Variants in FAM178B observed in about 807,000 individuals in gnomAD.
FAM178B encodes family with sequence similarity 178 member B, also known as protein FAM178B.
FAM178B carries 82 observed loss-of-function variants against 91.7 expected under a neutral mutation model. The ratio of observed to expected loss-of-function variants is 0.89; its 90% CI spans 0.75 to 1.07. FAM178B has a LOEUF of 1.07. FAM178B is among the 50% of genes least tolerant of loss of function. The probability of loss-of-function intolerance (pLI) is 0.00; values close to 1 mark genes in which losing one functional copy is unlikely to be tolerated. For synonymous variants in FAM178B, 368 were observed against 359.4 expected (o/e 1.02, Z -0.27); for missense variants, 769 against 846.7 (o/e 0.91, Z 1.14).
At chr2:96,976,554 T>C (rs1332954144) in intron 1 of FAM178B, among the ~76,000 whole-genome samples, 1 of 151,124 alleles carries the variant, frequency 6.6e-6, no homozygotes, top group African/African-American at 2.4e-5. Context: ...AGTCAAAAAG[T>C]GAAAACAGGG....
chr2:96,911,186 CAG>C (rs754201410), intron 12 of FAM178B, among the ~76,000 whole-genome samples: 16 of 152,166 alleles, frequency 1.1e-4, no homozygotes, highest in Non-Finnish European at 1.5e-4. Flanking sequence ...TCTGTGGACT[CAG>C]GGAGTACGGC....
At chr2:96,937,668 G>A (rs905982538) in intron 8 of FAM178B, among the ~76,000 whole-genome samples, 1 of 152,186 alleles carries the variant, frequency 6.6e-6, no homozygotes, top group Non-Finnish European at 1.5e-5. Context: ...AAATTGCCAG[G>A]GCCGGAGGCT....
At chr2:96,897,708 C>T (rs1335004114) in intron 13 of FAM178B, among the ~76,000 whole-genome samples, 1 of 152,246 alleles carries the variant, frequency 6.6e-6, no homozygotes, top group African/African-American at 2.4e-5. Context: ...ACTGTCATCT[C>T]TTGCCAGGAT....
chr2:96,901,465 C>T (rs972198134), intron 13 of FAM178B, among the ~76,000 whole-genome samples: 4 of 152,128 alleles, frequency 2.6e-5, no homozygotes, highest in African/African-American at 4.8e-5. Flanking sequence ...TGAGCCACCA[C>T]GCCCGGCTCA....
intron 12 of FAM178B, among the ~76,000 whole-genome samples, chr2:96,904,736 G>A (rs1380084435): frequency 6.6e-6 from 1 of 151,894 alleles, no homozygotes; most frequent in Non-Finnish European, 1.5e-5. Flanking sequence ...GGGCATGCCA[G>A]CTACAGTACT....
intron 8 of FAM178B, among the ~76,000 whole-genome samples, chr2:96,943,474 T>C (rs771740678): frequency 6.6e-5 from 10 of 152,230 alleles, no homozygotes; most frequent in Non-Finnish European, 7.3e-5. Context: ...ATTTTATGGA[T>C]ATAGCACATT....
intron 14 of FAM178B, among the ~76,000 whole-genome samples, chr2:96,882,014 C>T (rs1053068911): frequency 6.6e-6 from 1 of 152,154 alleles, no homozygotes; most frequent in African/African-American, 2.4e-5. Context: ...TCTCTGGGAG[C>T]TTGGCTGAAG....
At chr2:96,924,154 G>A (rs936642069) in intron 9 of FAM178B, among the ~76,000 whole-genome samples, 2 of 152,218 alleles carry the variant, frequency 1.3e-5, no homozygotes, top group Non-Finnish European at 2.9e-5. Flanking sequence ...CTACCGTTCA[G>A]GTGAGGCCTC....
intron 9 of FAM178B, among the ~76,000 whole-genome samples, chr2:96,926,239 T>A (rs913886683): frequency 6.6e-6 from 1 of 151,924 alleles, no homozygotes; most frequent in African/African-American, 2.4e-5. Flanking sequence ...GAGGCGGAGG[T>A]TGCAGTGAGC....
chr2:96,889,216 C>G (rs2080604918), intron 14 of FAM178B, among the ~76,000 whole-genome samples: 1 of 152,210 alleles, frequency 6.6e-6, no homozygotes, highest in Non-Finnish European at 1.5e-5. Context: ...GGGACCATCC[C>G]CCTTTGTGGT....
intron 8 of FAM178B, among the ~76,000 whole-genome samples, chr2:96,933,833 G>C (rs1287569977): frequency 6.6e-6 from 1 of 152,194 alleles, no homozygotes; most frequent in African/African-American, 2.4e-5. Context: ...AGGGCCAGGA[G>C]GCTGGTTCCT....
chr2:96,933,891 T>G lies in FAM178B; in HGVS notation c.1079-4571A>C, dbSNP rs377295232. Among the ~76,000 whole-genome samples, 67 of 152,250 alleles carry G rather than the reference T, an allele frequency of 4.4e-4. 4 individuals carry two copies. In the South Asian group the frequency reaches 0.013, roughly 30 times the overall value. The stretch of plus-strand genomic sequence containing the variant: ...CCACTGAGTCCGATCTTAACTGGAG[T>G]GCGGGGCTCACAATGTTTACGGGAG... On this transcript the variant is annotated intron_variant, in intron 8 of 16. Transcript: ENST00000490605.
intron 8 of FAM178B, 73 bp downstream of exon 8, chr2:96,947,744 TG>T: frequency 1.2e-6 from 1 of 850,902 alleles, no homozygotes; most frequent in Non-Finnish European, 1.9e-6. Context: ...AGCTGGGCTC[TG>T]GGCACTGAGA....
At position 96,921,278 on chromosome 2, in the gene FAM178B, AC is replaced by A. The variant is rs2081333952; in HGVS notation, c.1465-17del. ...GTTCCTGGAGCTGCAGGAGAACGGC[AC>A]CCCATGGGCTACAGGAGGACACCGC... On this transcript the variant is annotated splice_polypyrimidine_tract_variant and intron_variant, in intron 11 of 16. Transcript: ENST00000490605. The A allele has an allele frequency of 4.5e-6, 7 of 1,550,326 alleles. 1 individual carries two copies. Among genetic ancestry groups the A allele is most frequent in the Non-Finnish European group, 4.4e-6 (5 of 1,146,012 alleles).
At chr2:96,916,452 G>A (rs928930278) in intron 12 of FAM178B, among the ~76,000 whole-genome samples, 5 of 152,216 alleles carry the variant, frequency 3.3e-5, no homozygotes, top group South Asian at 2.1e-4. Context: ...TTGAAGCAGC[G>A]CACACAGGAT....
At chr2:96,983,637 C>G (rs1220325594) in intron 1 of FAM178B, among the ~76,000 whole-genome samples, 1 of 152,160 alleles carries the variant, frequency 6.6e-6, no homozygotes, top group Non-Finnish European at 1.5e-5. Context: ...GTTGCCCAGG[C>G]TGGTCTCAAA....
chr2:96,913,481 G>A (rs1182969152), intron 12 of FAM178B, among the ~76,000 whole-genome samples: 1 of 152,132 alleles, frequency 6.6e-6, no homozygotes, highest in Non-Finnish European at 1.5e-5. Context: ...GGAAAGGTGG[G>A]GCCCTCTGGC....
chr2:96,967,439 C>G, intron 5 of FAM178B, 81 bp downstream of exon 5: 2 of 834,900 alleles, frequency 2.4e-6, no homozygotes, highest in East Asian at 2.7e-5. Context: ...CCATGTTGGT[C>G]AAAACTCTGT....
chr2:96,958,919 G>A (rs1390067492), intron 6 of FAM178B, among the ~76,000 whole-genome samples: 3 of 151,832 alleles, frequency 2.0e-5, no homozygotes, highest in African/African-American at 7.3e-5. Context: ...TTCCTGAGGT[G>A]GCTGGACACG....
Sources: gnomAD v4.1 joint callset for allele counts (sites outside exome capture counted in the v4.1 genomes callset) on GRCh38, gnomAD v4.1.1 for gene constraint, MANE v1.5 for transcripts, NCBI Gene and HGNC (gene_info 2026-07-23, HGNC 2026-07-21) for gene names.